The following DCTN5 variants were observed in gnomAD, a reference collection of about 807,000 sequenced individuals.
DCTN5 encodes dynactin 4.
A neutral mutation model predicts 23.5 loss-of-function variants in DCTN5; 14 were observed. That is an observed-to-expected ratio of 0.60 (90% CI 0.39 to 0.93). The LOEUF is 0.93. Ranked by LOEUF, DCTN5 falls within the 40% of genes least tolerant of loss-of-function variation. The pLI is 0.00. For synonymous variants in DCTN5, 67 were observed against 79.6 expected, an observed-to-expected ratio of 0.84 and a Z score of 0.84; for missense variants, 156 against 225.9, an observed-to-expected ratio of 0.69 and a Z score of 1.98.
At chr16:23,657,644 A>T (rs1008783537) in intron 2 of DCTN5, 1 of 262,006 alleles carries the variant, frequency 3.8e-6, no homozygotes, top group Non-Finnish European at 7.8e-6. Flanking sequence ...GGGTTTCACC[A>T]TGTTGGCCAG....
chr16:23,662,717 C>A (rs995458395), intron 4 of DCTN5, among the ~76,000 whole-genome samples: 1 of 152,174 alleles, frequency 6.6e-6, no homozygotes, highest in Non-Finnish European at 1.5e-5. Context: ...TAGTAAAGTT[C>A]ATCTCTCCCC....
Position 23,665,647 on chromosome 16 carries a change from G to A in DCTN5, c.370G>A (p.Asp124Asn). 6.2e-7 allele frequency: 1 copy of A among 1,613,952 alleles called. No homozygotes were observed. The highest frequency in any genetic ancestry group is 1.3e-5 in the African/African-American group (1 of 75,064). ...TCAGGGGCGCCGATGTGTGTTGAAA[G>A]ACTGCTGCAAAATTCTTGACAACAC... ...CVIGRRCVLK[D>N]CCKILDNTVL... Residue 124 changes from aspartate (D) to asparagine (N), a missense_variant, in exon 5 of 6, where the codon GAC becomes AAC. Physicochemically the swap from Asp to Asn is conservative, Grantham distance 23. Coordinates refer to ENST00000300087, the MANE Select transcript of DCTN5 (RefSeq NM_032486.4).
rs1968025468 is a variant in DCTN5, at chr16:23,672,534, G to C, written c.*5390G>C. ...AGGGAGGGAGGGAGGAAGCAAGCAA[G>C]TGAACAAATGAGTCTGGGATTTAGG... On this transcript the variant is annotated 3_prime_UTR_variant, in exon 6 of 6. Transcript: ENST00000300087. 6.6e-6 allele frequency: 1 copy of C among 152,218 alleles called. No homozygotes were observed. Among genetic ancestry groups the C allele is most frequent in the South Asian group, 2.1e-4 (1 of 4,832 alleles). 9.4% of individuals were successfully genotyped at this position (152,218 alleles called of 1,614,324 possible). A position where few individuals can be genotyped will look rare whatever the true frequency, so the allele number is the denominator to read the frequency against.
rs1212230045 is a variant in DCTN5, at chr16:23,642,837, T to C, written c.49-118T>C. On this transcript the variant is annotated intron_variant, in intron 1 of 5. Transcript: ENST00000300087. ...TTTTGATATCCTGGACTCACTCCAT[T>C]GTGGACAGCACCCCACTTTATGTTT... The C allele has an allele frequency of 3.6e-6, 3 of 830,648 alleles. No individual in the cohort carries two copies. In the African/African-American group the frequency reaches 5.0e-5, roughly 14 times the overall value. The allele number at this position is 830,648 out of a possible 1,614,324, so 51.5% of individuals were successfully genotyped here.
rs114195166 is a variant in DCTN5, at chr16:23,645,783, C to A, written c.117+2760C>A. ...TCCATTGTATGTATATGCCACATTT[C>A]GTATAGGCACTTGGATTGTTTCTAC... On this transcript the variant is annotated intron_variant, in intron 2 of 5. Coordinates refer to ENST00000300087, the MANE Select transcript of DCTN5 (RefSeq NM_032486.4). 2.0e-5 allele frequency among the ~76,000 whole-genome samples: 3 copies of A among 152,118 alleles called. 1 individual carries two copies. Among genetic ancestry groups the A allele is most frequent in the Admixed American group, 1.3e-4 (2 of 15,268 alleles).
chr16:23,655,410 T>TA (rs2140980749), intron 2 of DCTN5, among the ~76,000 whole-genome samples: 1 of 152,238 alleles, frequency 6.6e-6, no homozygotes, highest in African/African-American at 2.4e-5. Context: ...GACAGAGTCT[T>TA]ACTCTGTTGC....
intron 2 of DCTN5, among the ~76,000 whole-genome samples, chr16:23,657,832 C>T (rs561924219): frequency 6.6e-6 from 1 of 152,258 alleles, no homozygotes; most frequent in Admixed American, 6.5e-5. Context: ...ATACATAATT[C>T]CTCATAATCT....
Position 23,672,743 on chromosome 16 carries a change from T to C in DCTN5, c.*5599T>C, listed in dbSNP as rs967611336. 3.3e-5 allele frequency: 5 copies of C among 152,214 alleles called. No homozygotes were observed. The highest frequency in any genetic ancestry group is 1.2e-4 in the African/African-American group (5 of 41,444). The allele number at this position is 152,214 out of a possible 1,614,324, so 9.4% of individuals were successfully genotyped here. ...AGCCTTGTGCCTGGCACATAGTAAATGCTTAATAAGGGTTCACTGTTAGTA... is the reference window on the plus strand; with the variant it reads ...AGCCTTGTGCCTGGCACATAGTAAACGCTTAATAAGGGTTCACTGTTAGTA... On this transcript the variant is annotated 3_prime_UTR_variant, in exon 6 of 6. Coordinates refer to ENST00000300087, the MANE Select transcript of DCTN5 (RefSeq NM_032486.4).
chr16:23,659,823 T>G (rs888591199), intron 3 of DCTN5, among the ~76,000 whole-genome samples: 1 of 152,110 alleles, frequency 6.6e-6, no homozygotes, highest in African/African-American at 2.4e-5. Context: ...CCAGAAAACC[T>G]CCTGGTACCC....
chr16:23,662,205 G>A (rs932134748), intron 4 of DCTN5, among the ~76,000 whole-genome samples: 1 of 152,146 alleles, frequency 6.6e-6, no homozygotes. Flanking sequence ...TGGGAGTAAG[G>A]AAATCTGAAG....
rs1457911794 is a variant in DCTN5, at chr16:23,646,708, C to T, written c.117+3685C>T. ...TCTCCTCTCTCAGCCTCCCAAGTAG[C>T]TGGGATTACAGGCATGCGCCACCAT... On this transcript the variant is annotated intron_variant, in intron 2 of 5. Coordinates refer to ENST00000300087, the MANE Select transcript of DCTN5 (RefSeq NM_032486.4). Among the ~76,000 whole-genome samples, 3 of 152,236 alleles carry T rather than the reference C, an allele frequency of 2.0e-5. No homozygotes were observed. The East Asian group carries it at 5.8e-4, about 29-fold the overall frequency.
chr16:23,645,122 TATATATATATA>T (rs1567228467), intron 2 of DCTN5, among the ~76,000 whole-genome samples: 507 of 40,876 alleles, frequency 0.012, 29 homozygotes, highest in Non-Finnish European at 0.019. Context: ...TATATATATA[TATATATATATA>T]TATATTTTTT....
intron 3 of DCTN5, among the ~76,000 whole-genome samples, chr16:23,660,559 T>C (rs1967790873): frequency 6.6e-6 from 1 of 152,246 alleles, no homozygotes; most frequent in Admixed American, 6.5e-5. Context: ...CTCCTTGTTA[T>C]ATATGCTCAT....
intron 2 of DCTN5, 47 bp downstream of exon 2, chr16:23,643,070 T>TGC (rs761687132): frequency 6.6e-7 from 1 of 1,515,610 alleles, no homozygotes; most frequent in East Asian, 2.3e-5. Context: ...GCTTGCGTTC[T>TGC]GCTAATTGTC....
At position 23,676,478 on chromosome 16, in the gene DCTN5, A is replaced by T. The variant is rs1959226587; in HGVS notation, c.*9334A>T. On this transcript the variant is annotated 3_prime_UTR_variant, in exon 6 of 6. Coordinates refer to ENST00000300087, the MANE Select transcript of DCTN5 (RefSeq NM_032486.4). ...AGGCTGAGGCAGGAGAATCGCTTGA[A>T]CCCAGGAGGTGGAGGCTGCAGTGAG... The T allele has an allele frequency of 6.6e-6, 1 of 152,140 alleles. No homozygotes were observed. Among genetic ancestry groups the T allele is most frequent in the Non-Finnish European group, 1.5e-5 (1 of 68,106 alleles). 9.4% of individuals were successfully genotyped at this position (152,140 alleles called of 1,614,324 possible). A position where few individuals can be genotyped will look rare whatever the true frequency, so the allele number is the denominator to read the frequency against.
Position 23,675,565 on chromosome 16 carries a change from G to A in DCTN5, c.*8421G>A, listed in dbSNP as rs1968073806. 6.6e-6 allele frequency: 1 copy of A among 151,672 alleles called. No homozygotes were observed. The highest frequency in any genetic ancestry group is 2.4e-5 in the African/African-American group (1 of 41,242). The allele number at this position is 151,672 out of a possible 1,614,324, so 9.4% of individuals were successfully genotyped here. Reference sequence around the variant, plus strand: ...GTGCCTCTTACATACAACCCTTCCAGAGGAAAGGCCTAGCTGAGAGTAAGA... The same window carrying A: ...GTGCCTCTTACATACAACCCTTCCAAAGGAAAGGCCTAGCTGAGAGTAAGA... On this transcript the variant is annotated 3_prime_UTR_variant, in exon 6 of 6. Coordinates refer to ENST00000300087, the MANE Select transcript of DCTN5 (RefSeq NM_032486.4).
In DCTN5 at chr16:23,650,387, C is replaced by T. The variant is rs369037037; in HGVS notation, c.117+7364C>T. The stretch of plus-strand genomic sequence containing the variant: ...TTGCCCAGGCTGGAGTGTAATGGTG[C>T]GATCTTGACTCACTGCAACCTCCAG... On this transcript the variant is annotated intron_variant, in intron 2 of 5. Coordinates refer to ENST00000300087, the MANE Select transcript of DCTN5 (RefSeq NM_032486.4). 4.5e-4 allele frequency among the ~76,000 whole-genome samples: 69 copies of T among 151,776 alleles called. 1 individual carries two copies. Among genetic ancestry groups the T allele is most frequent in the African/African-American group, 1.5e-3 (62 of 41,302 alleles).
In DCTN5 at chr16:23,672,928, C is replaced by A. The variant is rs1968032339; in HGVS notation, c.*5784C>A. On this transcript the variant is annotated 3_prime_UTR_variant, in exon 6 of 6. Transcript: ENST00000300087. ...AGATCACGAGGTCAGGAGATCAAGA[C>A]CATCCTGGCTAACACAGTGAAACCC... 1 of 152,194 alleles carries A rather than the reference C, an allele frequency of 6.6e-6. No individual in the cohort carries two copies. Among genetic ancestry groups the A allele is most frequent in the Non-Finnish European group, 1.5e-5 (1 of 68,056 alleles). 9.4% of individuals were successfully genotyped at this position (152,194 alleles called of 1,614,324 possible). A position where few individuals can be genotyped will look rare whatever the true frequency, so the allele number is the denominator to read the frequency against.
chr16:23,657,948 C>A (rs1040261140), intron 2 of DCTN5, among the ~76,000 whole-genome samples: 2 of 152,102 alleles, frequency 1.3e-5, no homozygotes, highest in Non-Finnish European at 2.9e-5. Context: ...TACTCTTTAC[C>A]AAGTATAAGG....
Sources: allele counts gnomAD v4.1 joint callset (sites outside exome capture counted in the v4.1 genomes callset), GRCh38; gene constraint gnomAD v4.1.1; transcripts MANE v1.5; gene names NCBI Gene and HGNC (gene_info 2026-07-23, HGNC 2026-07-21).